KCNT2: variants seen among roughly 807,000 people sequenced by gnomAD.
KCNT2 encodes potassium channel subfamily T member 2.
KCNT2 carries 67 observed loss-of-function variants against 153.8 expected under a neutral mutation model. The ratio of observed to expected loss-of-function variants is 0.44; its 90% CI spans 0.36 to 0.53. The LOEUF (loss-of-function observed/expected upper bound fraction) is 0.53, where lower values mean the gene tolerates loss of function less well. Ranked by LOEUF, KCNT2 falls within the 20% of genes least tolerant of loss-of-function variation. The pLI, the probability that KCNT2 is intolerant of heterozygous loss-of-function variation, is 0.00. For missense variants in KCNT2, 975 were observed against 1,354.8 expected (o/e 0.72, Z 4.40); for synonymous variants, 500 against 458.8 (o/e 1.09, Z -1.15).
chr1:196,552,169 A>T (rs1658000445), intron 1 of KCNT2, among the ~76,000 whole-genome samples: 1 of 151,496 alleles, frequency 6.6e-6, no homozygotes, highest in Non-Finnish European at 1.5e-5. Context: ...GAAAAAAAGT[A>T]AATATTTTAT....
chr1:196,490,337 T>C (rs889849304), intron 2 of KCNT2, among the ~76,000 whole-genome samples: 1 of 151,454 alleles, frequency 6.6e-6, no homozygotes, highest in Non-Finnish European at 1.5e-5. Context: ...CAAGCCAAGT[T>C]ATAAAACTTA....
intron 1 of KCNT2, among the ~76,000 whole-genome samples, chr1:196,561,030 C>T (rs1193739973): frequency 6.6e-6 from 1 of 151,602 alleles, no homozygotes; most frequent in East Asian, 1.9e-4. Flanking sequence ...GGGAAATATG[C>T]TTAGTTTTGT....
intron 1 of KCNT2, among the ~76,000 whole-genome samples, chr1:196,532,493 G>T (rs1655078266): frequency 6.6e-6 from 1 of 151,738 alleles, no homozygotes; most frequent in South Asian, 2.1e-4. Context: ...ATAAACAAGA[G>T]AAAAGTTACA....
At chr1:196,537,616 A>C (rs1217200590) in intron 1 of KCNT2, among the ~76,000 whole-genome samples, 1 of 152,114 alleles carries the variant, frequency 6.6e-6, no homozygotes, top group Non-Finnish European at 1.5e-5. Context: ...TTACACCCCT[A>C]CCTGGTTGCA....
chr1:196,310,554 T>C (rs1662066632), intron 21 of KCNT2, among the ~76,000 whole-genome samples: 1 of 151,904 alleles, frequency 6.6e-6, no homozygotes, highest in South Asian at 2.1e-4. Context: ...TTTTAAATTA[T>C]TTACTTATGG....
chr1:196,317,163 C>A, intron 20 of KCNT2: 2 of 358,700 alleles, frequency 5.6e-6, no homozygotes, highest in Middle Eastern at 3.9e-4. Flanking sequence ...TATTAGGCGA[C>A]AGGGTATTAC....
chr1:196,285,005 G>A (rs567118105), intron 23 of KCNT2, among the ~76,000 whole-genome samples: 1 of 152,104 alleles, frequency 6.6e-6, no homozygotes, highest in African/African-American at 2.4e-5. Flanking sequence ...TTTAGAGATT[G>A]TCTGATTACT....
intron 19 of KCNT2, among the ~76,000 whole-genome samples, chr1:196,321,863 T>C (rs977007391): frequency 1.3e-5 from 2 of 152,004 alleles, no homozygotes; most frequent in Non-Finnish European, 2.9e-5. Context: ...CCAGCTGACC[T>C]AAATACATTG....
At chr1:196,406,209 C>A (rs1671817861) in intron 12 of KCNT2, among the ~76,000 whole-genome samples, 1 of 151,394 alleles carries the variant, frequency 6.6e-6, no homozygotes, top group Admixed American at 6.6e-5. Context: ...GGAGGTAATT[C>A]TGATACAGAA....
chr1:196,333,757 C>T, intron 17 of KCNT2, 90 bp downstream of exon 17: 1 of 744,924 alleles, frequency 1.3e-6, no homozygotes, highest in Non-Finnish European at 2.3e-6. Context: ...ATCATTAGCT[C>T]CTTACCTATT....
At chr1:196,411,389 A>C (rs1672314427) in intron 12 of KCNT2, among the ~76,000 whole-genome samples, 1 of 135,578 alleles carries the variant, frequency 7.4e-6, no homozygotes, top group Admixed American at 7.9e-5. Context: ...TGCTTTGGCT[A>C]TTCTGGATCT....
chr1:196,246,202 C>T (rs1432443410), intron 26 of KCNT2, among the ~76,000 whole-genome samples: 2 of 152,002 alleles, frequency 1.3e-5, no homozygotes, highest in African/African-American at 4.8e-5. Context: ...ATTTAAAGTG[C>T]TGAAGGAAAA....
chr1:196,584,358 T>C (rs1446834781), intron 1 of KCNT2, among the ~76,000 whole-genome samples: 1 of 152,092 alleles, frequency 6.6e-6, no homozygotes, highest in South Asian at 2.1e-4. Flanking sequence ...GTAACACATT[T>C]CCAAACCTGT....
At chr1:196,262,283 T>C (rs1008848861) in intron 25 of KCNT2, among the ~76,000 whole-genome samples, 1 of 151,936 alleles carries the variant, frequency 6.6e-6, no homozygotes, top group Non-Finnish European at 1.5e-5. Context: ...GAGCAATCTA[T>C]AGAACAATGT....
intron 1 of KCNT2, among the ~76,000 whole-genome samples, chr1:196,567,914 A>G (rs566270492): frequency 9.8e-5 from 15 of 152,302 alleles, no homozygotes; most frequent in Non-Finnish European, 1.0e-4. Flanking sequence ...TTAGGTTTCA[A>G]TTTATGTGCT....
intron 8 of KCNT2, among the ~76,000 whole-genome samples, chr1:196,450,421 T>A (rs897552828): frequency 1.3e-5 from 2 of 151,900 alleles, no homozygotes; most frequent in African/African-American, 4.8e-5. Flanking sequence ...CTATTTAACA[T>A]CTCCCCTTGT....
At chr1:196,590,850 G>A (rs1663256814) in intron 1 of KCNT2, among the ~76,000 whole-genome samples, 1 of 152,168 alleles carries the variant, frequency 6.6e-6, no homozygotes, top group African/African-American at 2.4e-5. Context: ...CTCAGGCCGA[G>A]TGCAGTGGCT....
intron 24 of KCNT2, among the ~76,000 whole-genome samples, chr1:196,281,471 C>G (rs2147870336): frequency 6.6e-6 from 1 of 152,276 alleles, no homozygotes; most frequent in East Asian, 1.9e-4. Context: ...GCAAAAGACA[C>G]TCTAGCACCA....
intron 26 of KCNT2, chr1:196,257,984 C>G (rs1283755608): frequency 2.6e-5 from 36 of 1,371,050 alleles, no homozygotes; most frequent in Non-Finnish European, 3.4e-5. Flanking sequence ...AGCACAGTAC[C>G]TAGCAGACTC....
Sources: gnomAD v4.1 joint callset for allele counts (sites outside exome capture counted in the v4.1 genomes callset) on GRCh38, gnomAD v4.1.1 for gene constraint, MANE v1.5 for transcripts, NCBI Gene and HGNC (gene_info 2026-07-23, HGNC 2026-07-21) for gene names.